CHLSN: variants seen among roughly 807,000 people sequenced by gnomAD.
The protein encoded by CHLSN is protein cholesin.
chr7:1,111,102 A>G, the CHLSN span, among the ~76,000 whole-genome samples: 1 of 152,200 alleles, frequency 6.6e-6, no homozygotes, highest in Non-Finnish European at 1.5e-5. Flanking sequence ...AAAAACAACA[A>G]AAAACATTTA....
At chr7:997,733 C>T in the CHLSN span, 270 of 1,611,494 alleles carry the variant, frequency 1.7e-4, 1 homozygote, top group Admixed American at 4.3e-3. Flanking sequence ...CCTTCTGCAC[C>T]GTCAGCTCTC....
chr7:1,123,271 C>G, the CHLSN span, among the ~76,000 whole-genome samples: 1 of 152,242 alleles, frequency 6.6e-6, no homozygotes, highest in Admixed American at 6.5e-5. This position sits in a 1 kb window ranked among gnomAD's most constrained non-coding sequence, Gnocchi z 4.4. Flanking sequence ...GTTCCCATCA[C>G]TTGGGGACGT....
At chr7:1,056,873 T>A in the CHLSN span, 1 of 7,076 alleles carries the variant, frequency 1.4e-4, no homozygotes, top group African/African-American at 5.0e-4. Context: ...GGTGGGGGGG[T>A]GGGGGTGGCG....
chr7:1,000,056 GCCTC>G, the CHLSN span, among the ~76,000 whole-genome samples: 1 of 152,204 alleles, frequency 6.6e-6, no homozygotes, highest in Non-Finnish European at 1.5e-5. Context: ...CGTGCAGGTG[GCCTC>G]CCTAAGGTTA....
At chr7:1,053,044 G>A in the CHLSN span, among the ~76,000 whole-genome samples, 7 of 152,258 alleles carry the variant, frequency 4.6e-5, no homozygotes, top group African/African-American at 1.4e-4. Flanking sequence ...TGGCTGACGG[G>A]AAAGAAGGCA....
At chr7:1,004,817 T>C in the CHLSN span, among the ~76,000 whole-genome samples, 1 of 152,118 alleles carries the variant, frequency 6.6e-6, no homozygotes, top group South Asian at 2.1e-4. Context: ...GATCCCATCT[T>C]GGAAAAGGAA....
the CHLSN span, among the ~76,000 whole-genome samples, chr7:1,002,216 G>T: frequency 1.3e-5 from 1 of 74,144 alleles, no homozygotes; most frequent in Non-Finnish European, 2.6e-5. Context: ...GGTGAGTGGA[G>T]TCCTGCGGGT....
chr7:1,052,870 GAGCCTCC>G, the CHLSN span, among the ~76,000 whole-genome samples: 7 of 152,162 alleles, frequency 4.6e-5, no homozygotes, highest in African/African-American at 1.7e-4. This position sits in a 1 kb window ranked among gnomAD's most constrained non-coding sequence, Gnocchi z 4.2. Flanking sequence ...CCTTCTGAGG[GAGCCTCC>G]AGAATCTTTC....
chr7:1,012,374 T>G, the CHLSN span, among the ~76,000 whole-genome samples: 15 of 152,138 alleles, frequency 9.9e-5, no homozygotes, highest in African/African-American at 3.6e-4. Flanking sequence ...CTGGGGTGGA[T>G]GGCGAGGGGA....
At chr7:1,078,924 GCGGGT>G in the CHLSN span, among the ~76,000 whole-genome samples, 2 of 67,720 alleles carry the variant, frequency 3.0e-5, no homozygotes, top group Admixed American at 3.4e-4. Context: ...CCCCACCCCA[GCGGGT>G]CAGGGCTCCA....
At chr7:1,124,421 G>C in the CHLSN span, among the ~76,000 whole-genome samples, 1 of 151,580 alleles carries the variant, frequency 6.6e-6, no homozygotes, top group Non-Finnish European at 1.5e-5. Context: ...TGTGCCTGAG[G>C]CTCTGCGGAA....
chr7:1,031,766 C>T, the CHLSN span, among the ~76,000 whole-genome samples: 2 of 9,910 alleles, frequency 2.0e-4, no homozygotes, highest in Admixed American at 1.6e-3. Context: ...TGGTCCGGGG[C>T]GGCAGAGACC....
At chr7:1,071,790 C>T in the CHLSN span, among the ~76,000 whole-genome samples, 2 of 152,204 alleles carry the variant, frequency 1.3e-5, no homozygotes, top group South Asian at 2.1e-4. Flanking sequence ...AATGGCATGC[C>T]TGCGGGCGAC....
At chr7:1,117,173 C>T in the CHLSN span, among the ~76,000 whole-genome samples, 3 of 37,418 alleles carry the variant, frequency 8.0e-5, no homozygotes, top group East Asian at 1.4e-3. Flanking sequence ...CCGACGTCCA[C>T]GCAGGATGAT....
chr7:983,258 G>T, the CHLSN span: 1 of 1,539,836 alleles, frequency 6.5e-7, no homozygotes, highest in Non-Finnish European at 8.8e-7. Flanking sequence ...GGGCTCTGGG[G>T]GCTGCTCTGC....
the CHLSN span, among the ~76,000 whole-genome samples, chr7:998,457 CTTT>C: frequency 1.3e-4 from 12 of 95,020 alleles, no homozygotes; most frequent in African/African-American, 3.5e-4. Context: ...GTCTTAGATT[CTTT>C]TTTTTTTTTT....
the CHLSN span, chr7:1,044,580 G>T: frequency 6.6e-6 from 1 of 150,712 alleles, no homozygotes; most frequent in African/African-American, 2.4e-5. Flanking sequence ...GGCGGCGTGC[G>T]CGCCGTGAGC....
the CHLSN span, among the ~76,000 whole-genome samples, chr7:1,039,057 TG>T: frequency 5.0e-5 from 2 of 40,248 alleles, no homozygotes; most frequent in Non-Finnish European, 1.0e-4. Context: ...GGGAGGGAGG[TG>T]GGGGGGGTCA....
At chr7:990,823 GC>G in the CHLSN span, among the ~76,000 whole-genome samples, 412 of 152,260 alleles carry the variant, frequency 2.7e-3, 9 homozygotes, top group Non-Finnish European at 3.7e-3. Context: ...GCCACGCGAC[GC>G]CCCGCCCAGT....
Sources: gnomAD v4.1 joint callset for allele counts (sites outside exome capture counted in the v4.1 genomes callset) on GRCh38, gnomAD v4.1.1 for gene constraint, Gnocchi (gnomAD v3.1) non-coding constraint, MANE v1.5 for transcripts, NCBI Gene and HGNC (gene_info 2026-07-23, HGNC 2026-07-21) for gene names.